The following DCLK2 variants were observed in gnomAD, a reference collection of about 807,000 sequenced individuals.
The protein encoded by DCLK2 is serine/threonine-protein kinase DCLK2.
DCLK2 carries 31 observed loss-of-function variants against 78.4 expected under a neutral mutation model. The ratio of observed to expected loss-of-function variants is 0.40; its 90% CI spans 0.30 to 0.53. The LOEUF is 0.53. Ranked by LOEUF, DCLK2 falls within the 20% of genes least tolerant of loss-of-function variation. DCLK2 has a pLI of 0.61. For missense variants in DCLK2, 872 were observed against 973.7 expected (o/e 0.90, Z 1.39); for synonymous variants, 407 against 374.9 (o/e 1.09, Z -0.99).
chr4:150,180,670 A>G (rs983969412), intron 2 of DCLK2, among the ~76,000 whole-genome samples: 23 of 152,150 alleles, frequency 1.5e-4, no homozygotes, highest in African/African-American at 4.8e-4. Flanking sequence ...GGCATCAGAA[A>G]CAGCCTGAGA....
intron 2 of DCLK2, among the ~76,000 whole-genome samples, chr4:150,129,126 A>G (rs1334643958): frequency 6.6e-6 from 1 of 152,178 alleles, no homozygotes; most frequent in Non-Finnish European, 1.5e-5. Context: ...CAGTATGAAA[A>G]GTACTGCAGT....
chr4:150,246,302 C>T (rs980080854), intron 12 of DCLK2, among the ~76,000 whole-genome samples: 11 of 152,176 alleles, frequency 7.2e-5, no homozygotes, highest in African/African-American at 2.7e-4. Flanking sequence ...CCACCTTGGC[C>T]TCCCAGAGTG....
At chr4:150,216,275 G>C (rs1052340737) in intron 5 of DCLK2, among the ~76,000 whole-genome samples, 2 of 152,200 alleles carry the variant, frequency 1.3e-5, no homozygotes, top group African/African-American at 4.8e-5. Flanking sequence ...AGCCATGAAT[G>C]CCTTTAAATG....
intron 1 of DCLK2, among the ~76,000 whole-genome samples, chr4:150,085,605 G>A (rs1019925438): frequency 2.0e-5 from 3 of 152,128 alleles, no homozygotes; most frequent in African/African-American, 7.2e-5. Flanking sequence ...CTTGGGAGAT[G>A]TGTTCAACCC....
At chr4:150,131,174 C>A (rs1733283689) in intron 2 of DCLK2, among the ~76,000 whole-genome samples, 1 of 152,084 alleles carries the variant, frequency 6.6e-6, no homozygotes, top group Non-Finnish European at 1.5e-5. Context: ...AGGCATGCAT[C>A]ACTGTGCCTG....
intron 1 of DCLK2, among the ~76,000 whole-genome samples, chr4:150,085,772 T>G (rs1364583019): frequency 6.6e-6 from 1 of 152,206 alleles, no homozygotes; most frequent in African/African-American, 2.4e-5. Flanking sequence ...ACACCATATC[T>G]GTTAGCACCT....
At chr4:150,175,196 T>C (rs1235463145) in intron 2 of DCLK2, among the ~76,000 whole-genome samples, 1 of 62,576 alleles carries the variant, frequency 1.6e-5, no homozygotes, top group Non-Finnish European at 3.1e-5. Flanking sequence ...ATAATTTATC[T>C]ATATATATTT....
intron 2 of DCLK2, among the ~76,000 whole-genome samples, chr4:150,172,479 C>T (rs966526105): frequency 2.6e-5 from 4 of 151,524 alleles, no homozygotes; most frequent in African/African-American, 7.3e-5. Flanking sequence ...TCATGGCGGG[C>T]GCCTGTAGTC....
intron 10 of DCLK2, among the ~76,000 whole-genome samples, chr4:150,237,584 G>T (rs930956054): frequency 6.6e-6 from 1 of 152,140 alleles, no homozygotes; most frequent in Non-Finnish European, 1.5e-5. Flanking sequence ...TTTCAGTGCC[G>T]TCCTCTTTAA....
At position 150,256,385 on chromosome 4, in the gene DCLK2, G is replaced by C. The variant is rs918933376; in HGVS notation, c.*138G>C. 36 of 1,215,600 alleles carry C rather than the reference G, an allele frequency of 3.0e-5. No individual in the cohort carries two copies. Among genetic ancestry groups the C allele is most frequent in the Non-Finnish European group, 4.0e-5 (36 of 904,984 alleles). 75.3% of individuals were successfully genotyped at this position (1,215,600 alleles called of 1,614,324 possible). A position where few individuals can be genotyped will look rare whatever the true frequency, so the allele number is the denominator to read the frequency against. ...TTCGCGGGTCCTCCGCAGGCCGCCT[G>C]GGAACCGGAGCCTGGCGTGCCGGAG... On this transcript the variant is annotated 3_prime_UTR_variant, in exon 16 of 16. Coordinates refer to ENST00000296550, the MANE Select transcript of DCLK2 (RefSeq NM_001040260.4).
intron 2 of DCLK2, among the ~76,000 whole-genome samples, chr4:150,164,909 C>A (rs1020216671): frequency 6.6e-5 from 10 of 152,290 alleles, no homozygotes; most frequent in Admixed American, 3.9e-4. Flanking sequence ...TAGGGTGAAA[C>A]AAAAATTATC....
At chr4:150,190,922 T>C (rs576573272) in intron 2 of DCLK2, among the ~76,000 whole-genome samples, 1 of 152,042 alleles carries the variant, frequency 6.6e-6, no homozygotes, top group African/African-American at 2.4e-5. Context: ...GGAGACCCCA[T>C]CTCTACCTAC....
At chr4:150,142,918 A>G (rs1197488055) in intron 2 of DCLK2, among the ~76,000 whole-genome samples, 1 of 151,794 alleles carries the variant, frequency 6.6e-6, no homozygotes, top group Non-Finnish European at 1.5e-5. Flanking sequence ...GCCAAATAGC[A>G]TTGTACCCTC....
intron 2 of DCLK2, among the ~76,000 whole-genome samples, chr4:150,140,280 A>G (rs1734026276): frequency 6.6e-6 from 1 of 152,194 alleles, no homozygotes; most frequent in Non-Finnish European, 1.5e-5. Flanking sequence ...TTGAGCTTCT[A>G]CTGAAGAAAT....
chr4:150,177,847 G>A (rs1737201904), intron 2 of DCLK2, among the ~76,000 whole-genome samples: 2 of 152,190 alleles, frequency 1.3e-5, no homozygotes, highest in African/African-American at 4.8e-5. Flanking sequence ...CTGAAAACAT[G>A]GGTTGGAAGG....
chr4:150,164,341 A>G (rs1453844730), intron 2 of DCLK2, among the ~76,000 whole-genome samples: 1 of 152,252 alleles, frequency 6.6e-6, no homozygotes, highest in East Asian at 1.9e-4. Context: ...CCACTGCTCT[A>G]AGGAATATTT....
At chr4:150,143,803 T>C (rs551664556) in intron 2 of DCLK2, among the ~76,000 whole-genome samples, 2 of 152,134 alleles carry the variant, frequency 1.3e-5, no homozygotes, top group Non-Finnish European at 2.9e-5. Flanking sequence ...TCTGACTAGT[T>C]ATATTGAGCA....
Position 150,232,837 on chromosome 4 carries a change from T to C in DCLK2, c.1566+9T>C. 6.2e-7 allele frequency: 1 copy of C among 1,608,916 alleles called. No individual in the cohort carries two copies. Among genetic ancestry groups the C allele is most frequent in the South Asian group, 1.1e-5 (1 of 89,908 alleles). On this transcript the variant is annotated intron_variant, in intron 10 of 15. Coordinates refer to ENST00000296550, the MANE Select transcript of DCLK2 (RefSeq NM_001040260.4). ...AACCAGAGAATCTCTTGGTATGTCATCCCTGCTTTTTCTGTTCCAATGAAT... is the reference window on the plus strand; with the variant it reads ...AACCAGAGAATCTCTTGGTATGTCACCCCTGCTTTTTCTGTTCCAATGAAT...
intron 4 of DCLK2, among the ~76,000 whole-genome samples, chr4:150,200,423 C>A (rs748821960): frequency 2.6e-5 from 4 of 152,264 alleles, no homozygotes; most frequent in Admixed American, 6.5e-5. Context: ...AAACCCAAAG[C>A]CTGAGTCAAC....
Sources: gnomAD v4.1 joint callset for allele counts (sites outside exome capture counted in the v4.1 genomes callset) on GRCh38, gnomAD v4.1.1 for gene constraint, MANE v1.5 for transcripts, NCBI Gene and HGNC (gene_info 2026-07-23, HGNC 2026-07-21) for gene names.